LMNA: variants seen among roughly 807,000 people sequenced by gnomAD.
LMNA encodes lamin.
A neutral mutation model predicts 70.4 loss-of-function variants in LMNA; 20 were observed. The observed-to-expected ratio is 0.28, with a 90% CI of 0.20 to 0.41. The LOEUF is 0.41. Ranked by LOEUF, LMNA falls within the 10% of genes least tolerant of loss-of-function variation. LMNA has a pLI of 1.00. For missense variants in LMNA, 652 were observed against 917.2 expected, an observed-to-expected ratio of 0.71 and a Z score of 3.73; for synonymous variants, 339 against 372.8, an observed-to-expected ratio of 0.91 and a Z score of 1.04.
At chr1:156,100,652 G>T (rs1029804657) in intron 3 of LMNA, among the ~76,000 whole-genome samples, 3 of 152,158 alleles carry the variant, frequency 2.0e-5, no homozygotes, top group African/African-American at 4.8e-5. Flanking sequence ...TTAGAATGAG[G>T]TGCTGAGGAG....
chr1:156,102,785 C>A (rs971340258), intron 3 of LMNA, among the ~76,000 whole-genome samples: 1 of 152,176 alleles, frequency 6.6e-6, no homozygotes, highest in Non-Finnish European at 1.5e-5. Context: ...CAGTGAGTCA[C>A]GTTTCCATGT....
chr1:156,114,851 C>T lies in LMNA; in HGVS notation c.-68C>T. ...ACTCCGACTCCGAGCAGTCTCTGTC[C>T]TTCGACCCGAGCCCCGCGCCCTTTC... On this transcript the variant is annotated 5_prime_UTR_variant, in exon 1 of 12. Transcript: ENST00000368300. 2 of 1,152,864 alleles carry T rather than the reference C, an allele frequency of 1.7e-6. No homozygotes were observed. The highest frequency in any genetic ancestry group is 1.2e-6 in the Non-Finnish European group (1 of 830,886). 71.4% of individuals were successfully genotyped at this position (1,152,864 alleles called of 1,614,324 possible).
chr1:156,134,768 G>T lies in LMNA; in HGVS notation c.640-37G>T. The T allele has an allele frequency of 2.5e-6, 4 of 1,613,984 alleles. No individual in the cohort carries two copies. The highest frequency in any genetic ancestry group is 2.5e-6 in the Non-Finnish European group (3 of 1,179,960). ...TCTTGGCCTCCCAGGAACTAATTCTGATTTTGGTTTCTGTGTCCTTCCTCC... is the reference window on the plus strand; with the variant it reads ...TCTTGGCCTCCCAGGAACTAATTCTTATTTTGGTTTCTGTGTCCTTCCTCC... On this transcript the variant is annotated intron_variant, in intron 3 of 11. Transcript: ENST00000368300. This position sits in a 1 kb window ranked among gnomAD's most constrained non-coding sequence, Gnocchi z 5.3.
chr1:156,101,281 G>A (rs1241616018), intron 3 of LMNA, among the ~76,000 whole-genome samples: 5 of 152,256 alleles, frequency 3.3e-5, no homozygotes, highest in Admixed American at 2.0e-4. Flanking sequence ...TTTGAGCCCC[G>A]CAGTTCGAGA....
At chr1:156,132,385 G>A (rs1011912127) in intron 2 of LMNA, among the ~76,000 whole-genome samples, 1 of 151,840 alleles carries the variant, frequency 6.6e-6, no homozygotes, top group Non-Finnish European at 1.5e-5. Flanking sequence ...CAGGAGAATC[G>A]CTTGAACCCG....
At position 156,139,243 on chromosome 1, in the gene LMNA, T is replaced by G; in HGVS notation, c.*137T>G. 6.9e-7 allele frequency: 1 copy of G among 1,457,500 alleles called. No homozygotes were observed. 90.3% of individuals were successfully genotyped at this position (1,457,500 alleles called of 1,614,324 possible). On this transcript the variant is annotated 3_prime_UTR_variant, in exon 12 of 12. Coordinates refer to ENST00000368300, the MANE Select transcript of LMNA (RefSeq NM_170707.4). ...AACCCTTTGGTTTTTTTCTTCTGTA[T>G]TTTTTTTTCTAAGAGAAGTTATTTT...
intron 1 of LMNA, among the ~76,000 whole-genome samples, chr1:156,121,803 C>T (rs1171889955): frequency 2.6e-5 from 4 of 152,058 alleles, no homozygotes; most frequent in African/African-American, 4.8e-5. Flanking sequence ...ACTGATAGGC[C>T]GAACTCTAAT....
chr1:156,107,390 G>C (rs1354758039), intron 3 of LMNA, among the ~76,000 whole-genome samples: 1 of 152,222 alleles, frequency 6.6e-6, no homozygotes, highest in Non-Finnish European at 1.5e-5. Context: ...GAGCTGCAGT[G>C]CTGTCTTGGA....
upstream of LMNA, chr1:156,109,520 G>A (rs139689655): frequency 8.0e-3 from 1,216 of 152,446 alleles, 10 homozygotes; most frequent in Non-Finnish European, 0.011. Flanking sequence ...CAGCACCTCT[G>A]CACAGACTTC....
At chr1:156,129,818 G>A (rs1032266613) in intron 1 of LMNA, 2 of 759,784 alleles carry the variant, frequency 2.6e-6, no homozygotes, top group Non-Finnish European at 4.9e-6. Context: ...TACCCACTTT[G>A]AGGAGCAGGG....
At chr1:156,133,239 G>A (rs1488891961) in intron 2 of LMNA, among the ~76,000 whole-genome samples, 2 of 151,726 alleles carry the variant, frequency 1.3e-5, no homozygotes, top group Non-Finnish European at 2.9e-5. Context: ...ATAGGCATGA[G>A]CCACCACACT....
intron 1 of LMNA, among the ~76,000 whole-genome samples, chr1:156,122,267 C>G (rs1037953402): frequency 2.0e-5 from 3 of 152,136 alleles, no homozygotes; most frequent in African/African-American, 7.2e-5. Context: ...AATCGCCTCC[C>G]CTTTCTGGCT....
intron 3 of LMNA, chr1:156,106,585 T>G (rs1489799078): frequency 6.6e-6 from 1 of 152,148 alleles, no homozygotes; most frequent in Non-Finnish European, 1.5e-5. Context: ...CCCTACTGAT[T>G]TGCCTGGGAC....
chr1:156,091,806 C>G (rs1406880052), intron 3 of LMNA, among the ~76,000 whole-genome samples: 1 of 151,782 alleles, frequency 6.6e-6, no homozygotes. Context: ...ATCATCACTG[C>G]AAAGAAAGAT....
intron 2 of LMNA, among the ~76,000 whole-genome samples, chr1:156,083,350 G>A (rs1466905963): frequency 6.6e-6 from 1 of 152,158 alleles, no homozygotes. Flanking sequence ...TTTGGGGTGA[G>A]GGCCTTGAGC....
At chr1:156,117,521 C>G (rs1426553466) in intron 1 of LMNA, among the ~76,000 whole-genome samples, 1 of 152,098 alleles carries the variant, frequency 6.6e-6, no homozygotes, top group Non-Finnish European at 1.5e-5. Flanking sequence ...AGACGGGAGC[C>G]ACTGCGCCTG....
chr1:156,137,912 A>C lies in LMNA; in HGVS notation c.1698+169A>C. ...TCTCTCTCCTCCCTATACCTTGAAC[A>C]GGGAACCCAGGTGTCTGGGTGCCCT... On this transcript the variant is annotated intron_variant, in intron 10 of 11. Transcript: ENST00000368300. The surrounding 1 kb of genome is among the most constrained non-coding windows in gnomAD (Gnocchi z 4.6). The C allele has an allele frequency of 3.5e-6, 5 of 1,416,300 alleles. No individual in the cohort carries two copies. The highest frequency in any genetic ancestry group is 4.7e-6 in the Non-Finnish European group (5 of 1,064,082). 87.7% of individuals were successfully genotyped at this position (1,416,300 alleles called of 1,614,324 possible).
chr1:156,121,962 C>G (rs1650220240), intron 1 of LMNA, among the ~76,000 whole-genome samples: 1 of 152,102 alleles, frequency 6.6e-6, no homozygotes, highest in African/African-American at 2.4e-5. Flanking sequence ...AAGAGACCAG[C>G]CTGGCCAACA....
At chr1:156,127,509 GTTTTTTTTTTTTTT>G (rs1170940332) in intron 1 of LMNA, among the ~76,000 whole-genome samples, 2 of 84,492 alleles carry the variant, frequency 2.4e-5, no homozygotes, top group Admixed American at 1.4e-4. Context: ...CCCCCTTACT[GTTTTTTTTTTTTTT>G]TTTTTTTTTT....
Sources: gnomAD v4.1 joint callset for allele counts (sites outside exome capture counted in the v4.1 genomes callset) on GRCh38, gnomAD v4.1.1 for gene constraint, Gnocchi (gnomAD v3.1) non-coding constraint, MANE v1.5 for transcripts, NCBI Gene and HGNC (gene_info 2026-07-23, HGNC 2026-07-21) for gene names.